CDH4: variants seen among roughly 807,000 people sequenced by gnomAD.
CDH4 encodes cadherin 4.
In CDH4, 33 loss-of-function variants were observed where a neutral mutation model predicts 86.0. The ratio of observed to expected loss-of-function variants is 0.38; its 90% CI spans 0.29 to 0.51. The LOEUF (loss-of-function observed/expected upper bound fraction) is 0.51, where lower values mean the gene tolerates loss of function less well. Ranked by LOEUF, CDH4 falls within the 20% of genes least tolerant of loss-of-function variation. The probability of loss-of-function intolerance (pLI) is 0.86; values close to 1 mark genes in which losing one functional copy is unlikely to be tolerated. For missense variants in CDH4, 1,114 were observed against 1,307.4 expected (o/e 0.85, Z 2.28); for synonymous variants, 555 against 549.4 (o/e 1.01, Z -0.14).
intron 2 of CDH4, among the ~76,000 whole-genome samples, chr20:61,580,486 T>A (rs765533329): frequency 8.0e-5 from 12 of 150,280 alleles, no homozygotes; most frequent in African/African-American, 2.2e-4. Context: ...ACCTCTACTT[T>A]AAAAAAAAAA....
At chr20:61,651,471 G>A (rs2087120353) in intron 2 of CDH4, among the ~76,000 whole-genome samples, 2 of 152,212 alleles carry the variant, frequency 1.3e-5, no homozygotes, top group Admixed American at 1.3e-4. Flanking sequence ...CACCCCTTAT[G>A]ACCGGCAGCC....
At chr20:61,797,804 A>G (rs1979612090) in intron 4 of CDH4, among the ~76,000 whole-genome samples, 1 of 152,096 alleles carries the variant, frequency 6.6e-6, no homozygotes. Flanking sequence ...AACAAAAAAG[A>G]CAAATGTCCG....
intron 7 of CDH4, among the ~76,000 whole-genome samples, chr20:61,874,337 G>A (rs964090962): frequency 1.3e-5 from 2 of 152,156 alleles, no homozygotes; most frequent in Admixed American, 6.5e-5. Flanking sequence ...TGGCTGTGAC[G>A]AAGGGGGCAT....
chr20:61,429,277 C>T (rs1215585044), intron 2 of CDH4, among the ~76,000 whole-genome samples: 5 of 152,174 alleles, frequency 3.3e-5, no homozygotes, highest in Non-Finnish European at 5.9e-5. Flanking sequence ...ATTTATTCAA[C>T]GTACCTAAAT....
chr20:61,423,511 TTTCTTTAG>T (rs1194453684), intron 2 of CDH4, among the ~76,000 whole-genome samples: 2 of 152,196 alleles, frequency 1.3e-5, no homozygotes, highest in African/African-American at 4.8e-5. Context: ...CCTATCTCCA[TTTCTTTAG>T]TTCTGGTGTG....
chr20:61,524,141 G>GA (rs1369574299), intron 2 of CDH4, among the ~76,000 whole-genome samples: 3 of 152,156 alleles, frequency 2.0e-5, no homozygotes, highest in Non-Finnish European at 4.4e-5. Context: ...CTAAAATCCC[G>GA]AGCTTGCTGT....
At chr20:61,481,193 G>A (rs1015663811) in intron 2 of CDH4, among the ~76,000 whole-genome samples, 19 of 152,200 alleles carry the variant, frequency 1.2e-4, no homozygotes, top group Admixed American at 1.2e-3. Flanking sequence ...GGTAGGGTCT[G>A]GAGCCATATT....
intron 2 of CDH4, among the ~76,000 whole-genome samples, chr20:61,297,383 C>G (rs1051216763): frequency 2.0e-5 from 3 of 152,190 alleles, no homozygotes; most frequent in Admixed American, 1.3e-4. Flanking sequence ...GAGCGAAACT[C>G]CATCTCAAAA....
At chr20:61,457,288 C>T (rs987514388) in intron 2 of CDH4, among the ~76,000 whole-genome samples, 2 of 152,142 alleles carry the variant, frequency 1.3e-5, no homozygotes, top group Non-Finnish European at 2.9e-5. Flanking sequence ...CTGTCTCTGT[C>T]ACTCTCTACC....
At chr20:61,329,156 A>G (rs1000303651) in intron 2 of CDH4, among the ~76,000 whole-genome samples, 80 of 152,364 alleles carry the variant, frequency 5.3e-4, no homozygotes, top group African/African-American at 1.9e-3. Flanking sequence ...AACGTGTATC[A>G]TTTTTGTACC....
Position 61,252,426 on chromosome 20 carries a change from AGCGGCGGCGGTGGTCTCGGCGGCG to A in CDH4, c.-77_-54del. ...GAGCGGCGGCGGCGGCGGCGATCGGAGCGGCGGCGGTGGTCTCGGCGGCGGCGGCGGCGGCGGCGGCAGGGAGCG... is the reference window on the plus strand; with the variant it reads ...GAGCGGCGGCGGCGGCGGCGATCGGAGCGGCGGCGGCGGCGGCAGGGAGCG... On this transcript the variant is annotated 5_prime_UTR_variant, in exon 1 of 16. Transcript: ENST00000614565. This position sits in a 1 kb window ranked among gnomAD's most constrained non-coding sequence, Gnocchi z 4.4. The A allele has an allele frequency of 1.9e-6, 1 of 520,484 alleles. No homozygotes were observed. Among genetic ancestry groups the A allele is most frequent in the Non-Finnish European group, 2.4e-6 (1 of 420,272 alleles). The allele number at this position is 520,484 out of a possible 1,614,324, so 32.2% of individuals were successfully genotyped here.
At chr20:61,670,884 C>T (rs2087378983) in intron 2 of CDH4, among the ~76,000 whole-genome samples, 1 of 152,160 alleles carries the variant, frequency 6.6e-6, no homozygotes, top group African/African-American at 2.4e-5. Context: ...TGCATCTCAG[C>T]TCCAAGGCCT....
intron 8 of CDH4, among the ~76,000 whole-genome samples, chr20:61,904,633 A>G (rs922248930): frequency 1.5e-4 from 23 of 152,126 alleles, no homozygotes; most frequent in African/African-American, 5.6e-4. Flanking sequence ...GTGCCAGCCC[A>G]TCCGACCCCA....
chr20:61,666,231 G>A (rs2087322728), intron 2 of CDH4, among the ~76,000 whole-genome samples: 1 of 152,240 alleles, frequency 6.6e-6, no homozygotes, highest in African/African-American at 2.4e-5. Flanking sequence ...TTGTCCAACA[G>A]CAGTCATGCC....
intron 2 of CDH4, among the ~76,000 whole-genome samples, chr20:61,588,633 C>T (rs1053329237): frequency 5.9e-5 from 9 of 152,142 alleles, no homozygotes; most frequent in African/African-American, 1.7e-4. Context: ...CTCCCCCTCC[C>T]GAGACCACAC....
intron 4 of CDH4, among the ~76,000 whole-genome samples, chr20:61,793,768 G>A (rs554471784): frequency 1.3e-5 from 2 of 151,118 alleles, no homozygotes; most frequent in East Asian, 3.9e-4. Context: ...GAACCCGGGA[G>A]GTGGAGGTTG....
At chr20:61,292,535 G>A (rs927008907) in intron 2 of CDH4, among the ~76,000 whole-genome samples, 6 of 152,224 alleles carry the variant, frequency 3.9e-5, no homozygotes, top group Non-Finnish European at 8.8e-5. Flanking sequence ...AGCTTGGGGA[G>A]GGGTGCTGTT....
At chr20:61,445,664 C>T (rs1001574812) in intron 2 of CDH4, among the ~76,000 whole-genome samples, 1 of 152,182 alleles carries the variant, frequency 6.6e-6, no homozygotes, top group Non-Finnish European at 1.5e-5. Flanking sequence ...AATTTTCTCA[C>T]CAACTTCAGA....
At chr20:61,757,128 G>A (rs752932483) in intron 3 of CDH4, among the ~76,000 whole-genome samples, 3 of 152,174 alleles carry the variant, frequency 2.0e-5, no homozygotes, top group Non-Finnish European at 4.4e-5. Context: ...TTCAGACACC[G>A]TCACCAGCAG....
Sources: gnomAD v4.1 joint callset for allele counts (sites outside exome capture counted in the v4.1 genomes callset) on GRCh38, gnomAD v4.1.1 for gene constraint, Gnocchi (gnomAD v3.1) non-coding constraint, MANE v1.5 for transcripts, NCBI Gene and HGNC (gene_info 2026-07-23, HGNC 2026-07-21) for gene names.